TRAPPC9: variants seen among roughly 807,000 people sequenced by gnomAD.
The protein encoded by TRAPPC9 is trafficking protein particle complex subunit 9.
TRAPPC9 carries 83 observed loss-of-function variants against 124.0 expected under a neutral mutation model. The ratio of observed to expected loss-of-function variants is 0.67; its 90% CI spans 0.56 to 0.80. The LOEUF is 0.80. Ranked by LOEUF, TRAPPC9 falls within the 30% of genes least tolerant of loss-of-function variation. TRAPPC9 has a pLI of 0.00. For missense variants in TRAPPC9, 1,302 were observed against 1,508.3 expected (o/e 0.86, Z 2.27); for synonymous variants, 638 against 617.5 (o/e 1.03, Z -0.49).
At chr8:140,295,521 T>C (rs2131794394) in intron 11 of TRAPPC9, among the ~76,000 whole-genome samples, 1 of 152,260 alleles carries the variant, frequency 6.6e-6, no homozygotes, top group Non-Finnish European at 1.5e-5. Flanking sequence ...CACAAAGACC[T>C]ATCACAAATG....
intron 9 of TRAPPC9, among the ~76,000 whole-genome samples, chr8:140,345,654 C>A (rs1435604221): frequency 1.3e-5 from 2 of 152,244 alleles, no homozygotes; most frequent in African/African-American, 2.4e-5. Context: ...AGGCCCCAGT[C>A]ACAGTTATGC....
At chr8:140,177,673 G>C (rs940584260) in intron 17 of TRAPPC9, among the ~76,000 whole-genome samples, 1 of 151,940 alleles carries the variant, frequency 6.6e-6, no homozygotes, top group Non-Finnish European at 1.5e-5. Flanking sequence ...TGAATATAAA[G>C]ATCAATTTGG....
chr8:140,059,481 T>C (rs995568646), intron 17 of TRAPPC9, among the ~76,000 whole-genome samples: 2 of 152,208 alleles, frequency 1.3e-5, no homozygotes, highest in African/African-American at 4.8e-5. Context: ...GTGAGTTTGC[T>C]TCATTGTACA....
intron 21 of TRAPPC9, among the ~76,000 whole-genome samples, chr8:139,786,972 C>T (rs149868727): frequency 6.6e-6 from 1 of 152,024 alleles, no homozygotes; most frequent in Non-Finnish European, 1.5e-5. Context: ...GACGGTTTCA[C>T]GGGTGTGTAT....
At chr8:140,079,735 GC>G (rs1843710558) in intron 17 of TRAPPC9, among the ~76,000 whole-genome samples, 2 of 152,282 alleles carry the variant, frequency 1.3e-5, no homozygotes, top group South Asian at 4.1e-4. Context: ...TTTGAGACCA[GC>G]CTGCCCAACG....
intron 7 of TRAPPC9, among the ~76,000 whole-genome samples, chr8:140,381,746 C>T (rs952998421): frequency 7.0e-5 from 10 of 142,876 alleles, no homozygotes; most frequent in Non-Finnish European, 1.4e-4. Flanking sequence ...TAAATCAAAA[C>T]CAAAATGAGA....
rs1818623995 is a variant in TRAPPC9, at chr8:139,742,390, C to T, written c.3056-10188G>A. On this transcript the variant is annotated intron_variant, in intron 21 of 22. Coordinates refer to ENST00000438773, the MANE Select transcript of TRAPPC9 (RefSeq NM_001160372.4). The surrounding 1 kb of genome is among the most constrained non-coding windows in gnomAD (Gnocchi z 4.7). ...CTCTTTGCTTGCAACGTCCATAAGC[C>T]ATGAGAACCCTCCAGAACTCCAAGC... Among the ~76,000 whole-genome samples the T allele has an allele frequency of 6.6e-6, 1 of 152,214 alleles. No homozygotes were observed. Among genetic ancestry groups the T allele is most frequent in the Non-Finnish European group, 1.5e-5 (1 of 68,040 alleles).
At chr8:140,347,513 T>C (rs2067385137) in intron 9 of TRAPPC9, among the ~76,000 whole-genome samples, 1 of 152,206 alleles carries the variant, frequency 6.6e-6, no homozygotes, top group Non-Finnish European at 1.5e-5. Context: ...TCAGCCTGCC[T>C]AGCCCAGTTT....
At position 140,086,339 on chromosome 8, in the gene TRAPPC9, C is replaced by T. The variant is rs139662573; in HGVS notation, c.2557-62260G>A. Among the ~76,000 whole-genome samples the T allele has an allele frequency of 2.0e-3, 305 of 152,198 alleles. 2 individuals carry two copies. Among genetic ancestry groups the T allele is most frequent in the African/African-American group, 6.9e-3 (286 of 41,528 alleles). On this transcript the variant is annotated intron_variant, in intron 17 of 22. Coordinates refer to ENST00000438773, the MANE Select transcript of TRAPPC9 (RefSeq NM_001160372.4). ...GAGAGGCAAGAAGAGACAGAAGAAG[C>T]GGGGTAGAAATGGAAGGGGAGCAGG...
chr8:140,454,264 G>T (rs1276388344), intron 1 of TRAPPC9, among the ~76,000 whole-genome samples: 1 of 151,932 alleles, frequency 6.6e-6, no homozygotes, highest in Non-Finnish European at 1.5e-5. Flanking sequence ...ACTCCAGCCT[G>T]GGTAACAGAG....
At chr8:139,844,166 G>C (rs1039972680) in intron 21 of TRAPPC9, among the ~76,000 whole-genome samples, 1 of 152,180 alleles carries the variant, frequency 6.6e-6, no homozygotes, top group Admixed American at 6.5e-5. Flanking sequence ...CCTCCTCATC[G>C]CTAGGAGGAC....
chr8:140,256,584 G>C (rs1460067358), intron 15 of TRAPPC9, among the ~76,000 whole-genome samples: 1 of 152,134 alleles, frequency 6.6e-6, no homozygotes, highest in Admixed American at 6.5e-5. Context: ...TGTATTCTGA[G>C]AATCTACCCT....
chr8:140,167,145 CA>C (rs35081157), intron 17 of TRAPPC9, among the ~76,000 whole-genome samples: 84,085 of 142,404 alleles, frequency 0.59, 24,235 homozygotes, highest in East Asian at 0.98. Context: ...TCATAGCTTT[CA>C]AAAAAAAAAA....
chr8:140,077,977 A>G (rs1016754189), intron 17 of TRAPPC9, among the ~76,000 whole-genome samples: 4 of 152,196 alleles, frequency 2.6e-5, no homozygotes, highest in Non-Finnish European at 5.9e-5. Flanking sequence ...TGCATTTGTC[A>G]TGGAGATAAA....
intron 21 of TRAPPC9, among the ~76,000 whole-genome samples, chr8:139,841,164 G>A (rs1429071502): frequency 6.6e-6 from 1 of 152,068 alleles, no homozygotes; most frequent in Non-Finnish European, 1.5e-5. Context: ...CTCGCCCCCG[G>A]CTCCTTCTTG....
At chr8:139,942,775 G>C (rs1184207527) in intron 19 of TRAPPC9, among the ~76,000 whole-genome samples, 1 of 152,220 alleles carries the variant, frequency 6.6e-6, no homozygotes, top group Admixed American at 6.5e-5. Flanking sequence ...CTTCTTGTCT[G>C]AGGACAGGCC....
In TRAPPC9 at chr8:140,285,312, C is replaced by T. The variant is rs1051661451; in HGVS notation, c.1982-1291G>A. On this transcript the variant is annotated intron_variant, in intron 13 of 22. Transcript: ENST00000438773. Reference sequence around the variant, plus strand: ...TTACTCCTCTCTCATCCATTCCTATCTCCTATGCTCCACTGCCAGGCCACG... The same window carrying T: ...TTACTCCTCTCTCATCCATTCCTATTTCCTATGCTCCACTGCCAGGCCACG... 3.9e-5 allele frequency among the ~76,000 whole-genome samples: 6 copies of T among 152,204 alleles called. No homozygotes were observed. In the East Asian group the frequency reaches 7.7e-4, roughly 20 times the overall value.
At chr8:139,910,080 C>T in intron 20 of TRAPPC9, 67 bp downstream of exon 20, 1 of 1,586,274 alleles carries the variant, frequency 6.3e-7, no homozygotes, top group South Asian at 1.1e-5. Context: ...CCTCACGGGT[C>T]TTTCTTAGAG....
intron 2 of TRAPPC9, among the ~76,000 whole-genome samples, chr8:140,444,691 C>T (rs1194406452): frequency 6.6e-6 from 1 of 151,738 alleles, no homozygotes; most frequent in Non-Finnish European, 1.5e-5. Context: ...TGAGACCCCC[C>T]CCATCTCTAC....
Sources: allele counts gnomAD v4.1 joint callset (sites outside exome capture counted in the v4.1 genomes callset), GRCh38; gene constraint gnomAD v4.1.1; non-coding constraint Gnocchi (gnomAD v3.1); transcripts MANE v1.5; gene names NCBI Gene and HGNC (gene_info 2026-07-23, HGNC 2026-07-21).